Variants in RRM2 observed in about 807,000 individuals in gnomAD.
RRM2 encodes ribonucleotide reductase regulatory subunit M2.
RRM2 carries 6 observed loss-of-function variants against 45.9 expected under a neutral mutation model. That is an observed-to-expected ratio of 0.13 (90% CI 0.07 to 0.26). The LOEUF is 0.26. RRM2 is among the 10% of genes least tolerant of loss of function. RRM2 has a pLI of 1.00. For synonymous variants in RRM2, 177 were observed against 173.0 expected, an observed-to-expected ratio of 1.02 and a Z score of -0.18; for missense variants, 343 against 489.5, an observed-to-expected ratio of 0.70 and a Z score of 2.82.
At chr2:10,179,099 C>G (rs1399857102) in intron 3 of RRM2, among the ~76,000 whole-genome samples, 1 of 152,162 alleles carries the variant, frequency 6.6e-6, no homozygotes, top group Non-Finnish European at 1.5e-5. Context: ...CTTTTCGTTA[C>G]TGAGTGGTGT....
At chr2:10,131,434 T>C (rs528009166), downstream of RRM2, 2 of 142,016 alleles carry the variant, frequency 1.4e-5, no homozygotes, top group African/African-American at 5.8e-5. Flanking sequence ...TTGGTAAAAT[T>C]TGCATTTTAA....
chr2:10,187,320 C>T (rs1664191197), intron 3 of RRM2, among the ~76,000 whole-genome samples: 1 of 152,216 alleles, frequency 6.6e-6, no homozygotes, highest in Non-Finnish European at 1.5e-5. Context: ...GGTAGCAGGA[C>T]CCTCCTTCCT....
intron 3 of RRM2, among the ~76,000 whole-genome samples, chr2:10,147,228 C>T (rs376315691): frequency 1.3e-5 from 2 of 151,812 alleles, no homozygotes; most frequent in Admixed American, 1.3e-4. Flanking sequence ...TGGGATTACA[C>T]GTGTGAGCCA....
intron 3 of RRM2, among the ~76,000 whole-genome samples, chr2:10,206,128 T>C (rs552489552): frequency 2.6e-5 from 4 of 151,872 alleles, no homozygotes; most frequent in East Asian, 3.9e-4. Context: ...CACCTGTAGT[T>C]CCAGCTACTC....
At chr2:10,175,204 G>GTT (rs1663890945) in intron 3 of RRM2, among the ~76,000 whole-genome samples, 2 of 152,254 alleles carry the variant, frequency 1.3e-5, no homozygotes, top group African/African-American at 4.8e-5. Flanking sequence ...CCAGTGCCCA[G>GTT]AGGGCACCGC....
upstream of RRM2, among the ~76,000 whole-genome samples, chr2:10,136,998 TTC>T: frequency 6.6e-6 from 1 of 152,212 alleles, no homozygotes; most frequent in East Asian, 1.9e-4. Flanking sequence ...CATATTCATT[TTC>T]TGAGTCCAGT....
At chr2:10,199,672 C>T (rs186704055) in intron 3 of RRM2, among the ~76,000 whole-genome samples, 5 of 150,842 alleles carry the variant, frequency 3.3e-5, no homozygotes, top group Admixed American at 2.0e-4. Context: ...CCCAGCTACT[C>T]GGGAGGCTGA....
rs932477461 is a variant in RRM2, at chr2:10,205,959, C to T, written n.483-4352C>T. The stretch of plus-strand genomic sequence containing the variant: ...CCTCCCGCCTTGGCTTCCCAAAGTT[C>T]TGGGATTACAGGCATGAGCCACTGC... On this transcript the variant is annotated intron_variant and non_coding_transcript_variant, in intron 3 of 3. Coordinates refer to the RRM2 transcript ENST00000381786. This position sits in a 1 kb window ranked among gnomAD's most constrained non-coding sequence, Gnocchi z 4.8. Among the ~76,000 whole-genome samples, 1 of 152,098 alleles carries T rather than the reference C, an allele frequency of 6.6e-6. No individual in the cohort carries two copies. The highest frequency in any genetic ancestry group is 1.9e-4 in the East Asian group (1 of 5,138).
chr2:10,131,780 T>C (rs1206205064), downstream of RRM2, among the ~76,000 whole-genome samples: 1 of 152,242 alleles, frequency 6.6e-6, no homozygotes, highest in Non-Finnish European at 1.5e-5. Context: ...ATTCATTTGC[T>C]TTCCACTGGT....
chr2:10,210,364 C>T, exon 4 of RRM2: 1 of 1,367,774 alleles, frequency 7.3e-7, no homozygotes, highest in South Asian at 1.1e-5. Context: ...AAGCCCAGCC[C>T]TCATTGTGAA....
rs562291365 is a variant in RRM2, at chr2:10,183,151, A to G, written n.483-27160A>G. On this transcript the variant is annotated intron_variant and non_coding_transcript_variant, in intron 3 of 3. Transcript: ENST00000381786. Reference sequence around the variant, plus strand: ...GCACCACTGCACTCCAGCCTGGGCCACAGAGCAAGACTCTGTCTCTAAAAC... The same window carrying G: ...GCACCACTGCACTCCAGCCTGGGCCGCAGAGCAAGACTCTGTCTCTAAAAC... 6.6e-5 allele frequency among the ~76,000 whole-genome samples: 10 copies of G among 152,354 alleles called. No homozygotes were observed. In the South Asian group the frequency reaches 2.1e-3, roughly 32 times the overall value.
In RRM2 at chr2:10,127,053, C is replaced by G; in HGVS notation, c.665-34C>G. The G allele has an allele frequency of 2.5e-6, 4 of 1,612,550 alleles. No individual in the cohort carries two copies. Among genetic ancestry groups the G allele is most frequent in the Admixed American group, 3.3e-5 (2 of 59,992 alleles). On this transcript the variant is annotated intron_variant, in intron 6 of 9. Transcript: ENST00000304567. This position sits in a 1 kb window ranked among gnomAD's most constrained non-coding sequence, Gnocchi z 4.1. ...GATTTTTGGCCCTTGAATACCAACTCACTAGAATCATGTTGGTGTTAACTC... is the reference window on the plus strand; with the variant it reads ...GATTTTTGGCCCTTGAATACCAACTGACTAGAATCATGTTGGTGTTAACTC...
chr2:10,173,450 C>A (rs1259969517), intron 3 of RRM2, among the ~76,000 whole-genome samples: 1 of 152,204 alleles, frequency 6.6e-6, no homozygotes, highest in East Asian at 1.9e-4. Flanking sequence ...CATCATCTGG[C>A]TCTAGGGATG....
intron 3 of RRM2, among the ~76,000 whole-genome samples, chr2:10,209,575 A>ATGTG (rs146042072): frequency 6.7e-6 from 1 of 148,968 alleles, no homozygotes; most frequent in South Asian, 2.1e-4. Context: ...ACGTGCTTGC[A>ATGTG]TGTGTGTGTG....
chr2:10,187,917 G>T (rs2125327741), intron 3 of RRM2, among the ~76,000 whole-genome samples: 1 of 152,328 alleles, frequency 6.6e-6, no homozygotes, highest in South Asian at 2.1e-4. Flanking sequence ...TGGCCTGGGA[G>T]CATCAGCTTC....
chr2:10,193,291 G>A (rs1456138915), intron 3 of RRM2, among the ~76,000 whole-genome samples: 2 of 152,220 alleles, frequency 1.3e-5, no homozygotes, highest in Non-Finnish European at 2.9e-5. Flanking sequence ...AGGTTGGAAT[G>A]TTCCTGTGCC....
downstream of RRM2, among the ~76,000 whole-genome samples, chr2:10,134,534 T>C (rs529071260): frequency 6.6e-6 from 1 of 152,328 alleles, no homozygotes; most frequent in East Asian, 1.9e-4. Context: ...TACTCAAAGA[T>C]AAATTAATCC....
Position 10,123,728 on chromosome 2 carries a change from A to T in RRM2, c.319-8A>T. ...TTTTATGCTAAAATTGTGACTTCCG[A>T]ACCTCAGGTGGACCTCTCCAAGGAC... is the stretch of plus-strand genomic sequence containing the variant. On this transcript the variant is annotated splice_region_variant and splice_polypyrimidine_tract_variant and intron_variant, in intron 3 of 9. Coordinates refer to ENST00000304567, the MANE Select transcript of RRM2 (RefSeq NM_001034.4). 1 of 1,556,512 alleles carries T rather than the reference A, an allele frequency of 6.4e-7. No homozygotes were observed. The highest frequency in any genetic ancestry group is 8.9e-7 in the Non-Finnish European group (1 of 1,129,444).
At position 10,129,019 on chromosome 2, in the gene RRM2, G is replaced by A. The variant is rs1662842253; in HGVS notation, c.904-22G>A. The A allele has an allele frequency of 1.9e-6, 3 of 1,611,900 alleles. No homozygotes were observed. The African/African-American group carries it at 4.0e-5, about 22-fold the overall frequency. On this transcript the variant is annotated intron_variant, in intron 8 of 9. Coordinates refer to ENST00000304567, the MANE Select transcript of RRM2 (RefSeq NM_001034.4). The surrounding 1 kb of genome is among the most constrained non-coding windows in gnomAD (Gnocchi z 4.8). ...AATGCCTGTGCTTTAGTTGTATTCA[G>A]AAGCTGTATTTTGGTTCCTAGGAGT...
Sources: allele counts gnomAD v4.1 joint callset (sites outside exome capture counted in the v4.1 genomes callset), GRCh38; gene constraint gnomAD v4.1.1; non-coding constraint Gnocchi (gnomAD v3.1); transcripts MANE v1.5; gene names NCBI Gene and HGNC (gene_info 2026-07-23, HGNC 2026-07-21).